HS6ST3: variants seen among roughly 807,000 people sequenced by gnomAD.
HS6ST3 encodes the protein heparan sulfate 6-O-sulfotransferase 3.
In HS6ST3, 12 loss-of-function variants were observed where a neutral mutation model predicts 36.7. The observed-to-expected ratio is 0.33, with a 90% CI of 0.21 to 0.53. HS6ST3 has a LOEUF of 0.53. Ranked by LOEUF, HS6ST3 falls within the 20% of genes least tolerant of loss-of-function variation. HS6ST3 has a pLI of 0.95. For synonymous variants in HS6ST3, 240 were observed against 257.5 expected (o/e 0.93, Z 0.65); for missense variants, 584 against 640.9 (o/e 0.91, Z 0.96).
chr13:96,091,605 C>T (rs755958688), intron 1 of HS6ST3, 36 bp downstream of exon 1: 2 of 1,518,856 alleles, frequency 1.3e-6, no homozygotes, highest in Admixed American at 2.0e-5. Context: ...TCTTCCCCCC[C>T]ACCCCCCATC....
intron 1 of HS6ST3, among the ~76,000 whole-genome samples, chr13:96,637,839 G>C (rs528448926): frequency 3.9e-5 from 6 of 152,112 alleles, no homozygotes; most frequent in African/African-American, 1.4e-4. Context: ...TTTTGTCTTT[G>C]TTTTGCTTCT....
chr13:96,182,281 C>G (rs1292363235), intron 1 of HS6ST3, among the ~76,000 whole-genome samples: 3 of 152,202 alleles, frequency 2.0e-5, no homozygotes, highest in Admixed American at 6.5e-5. Flanking sequence ...CCCTGCAATT[C>G]ATTTTGACTT....
At chr13:96,692,611 T>TA (rs1874997762) in intron 1 of HS6ST3, among the ~76,000 whole-genome samples, 1 of 152,286 alleles carries the variant, frequency 6.6e-6, no homozygotes, top group African/African-American at 2.4e-5. Context: ...TAAACTACAC[T>TA]AAGATTCCAT....
intron 1 of HS6ST3, among the ~76,000 whole-genome samples, chr13:96,626,808 ATTGT>A (rs1213629075): frequency 6.6e-6 from 1 of 152,066 alleles, no homozygotes; most frequent in Admixed American, 6.6e-5. Flanking sequence ...AGTACTAAAC[ATTGT>A]TTGATGCTAT....
intron 1 of HS6ST3, among the ~76,000 whole-genome samples, chr13:96,404,784 C>T (rs1330467645): frequency 1.3e-5 from 2 of 152,108 alleles, no homozygotes; most frequent in East Asian, 1.9e-4. Flanking sequence ...TCCAAAGAAA[C>T]GCAAGGGCAG....
intron 1 of HS6ST3, among the ~76,000 whole-genome samples, chr13:96,289,173 C>T: frequency 6.6e-6 from 1 of 152,048 alleles, no homozygotes; most frequent in Non-Finnish European, 1.5e-5. Context: ...AATAAGAGAA[C>T]TAATACTCTA....
chr13:96,376,800 C>T (rs983341404), intron 1 of HS6ST3, among the ~76,000 whole-genome samples: 15 of 151,846 alleles, frequency 9.9e-5, no homozygotes, highest in Non-Finnish European at 1.8e-4. Flanking sequence ...CTCTGCTCTC[C>T]CTTTCCCTAG....
Position 96,561,696 on chromosome 13 carries a change from C to T in HS6ST3, c.708-270794C>T, listed in dbSNP as rs560895469. Among the ~76,000 whole-genome samples the T allele has an allele frequency of 3.9e-5, 6 of 152,088 alleles. No individual in the cohort carries two copies. The East Asian group carries it at 1.2e-3, about 29-fold the overall frequency. ...ATTTAAACAAGCAAAAAACAAATTA[C>T]CTCATTAAAAAATAAGCAAAGGACA... On this transcript the variant is annotated intron_variant, in intron 1 of 1. Transcript: ENST00000376705.
At chr13:96,370,380 T>C (rs2055283702) in intron 1 of HS6ST3, among the ~76,000 whole-genome samples, 1 of 152,232 alleles carries the variant, frequency 6.6e-6, no homozygotes, top group Non-Finnish European at 1.5e-5. Context: ...CTTATTTTTC[T>C]TTAAAAAATT....
At chr13:96,186,980 C>T (rs1266333928) in intron 1 of HS6ST3, among the ~76,000 whole-genome samples, 1 of 152,198 alleles carries the variant, frequency 6.6e-6, no homozygotes, top group South Asian at 2.1e-4. Flanking sequence ...AAAACTGTTT[C>T]TTGGTTTATG....
intron 1 of HS6ST3, among the ~76,000 whole-genome samples, chr13:96,406,435 A>C (rs1378340231): frequency 6.6e-6 from 1 of 152,186 alleles, no homozygotes; most frequent in African/African-American, 2.4e-5. Flanking sequence ...TGAAAATACC[A>C]GTGCTATTCA....
intron 1 of HS6ST3, among the ~76,000 whole-genome samples, chr13:96,462,259 TG>T (rs1367765569): frequency 6.6e-6 from 1 of 152,000 alleles, no homozygotes. Flanking sequence ...TTGGTAGAGA[TG>T]GGGTCTTGTT....
intron 1 of HS6ST3, among the ~76,000 whole-genome samples, chr13:96,715,022 A>T (rs368204868): frequency 1.3e-5 from 2 of 152,104 alleles, no homozygotes; most frequent in African/African-American, 2.4e-5. Flanking sequence ...GATATTTATG[A>T]TTATTTATAA....
chr13:96,445,086 C>G (rs1412153021), intron 1 of HS6ST3, among the ~76,000 whole-genome samples: 1 of 152,026 alleles, frequency 6.6e-6, no homozygotes, highest in African/African-American at 2.4e-5. Context: ...AATGAATTAC[C>G]CTGCATTAGA....
At chr13:96,149,008 T>C (rs1225215233) in intron 1 of HS6ST3, among the ~76,000 whole-genome samples, 1 of 152,164 alleles carries the variant, frequency 6.6e-6, no homozygotes, top group African/African-American at 2.4e-5. Flanking sequence ...AAAACAAAAT[T>C]CAGTTGTCTT....
intron 1 of HS6ST3, among the ~76,000 whole-genome samples, chr13:96,638,239 G>A (rs2056556795): frequency 6.6e-6 from 1 of 152,070 alleles, no homozygotes; most frequent in South Asian, 2.1e-4. Flanking sequence ...TGAAGTAAGA[G>A]AATAGGATGC....
intron 1 of HS6ST3, among the ~76,000 whole-genome samples, chr13:96,265,048 C>G (rs890585265): frequency 1.3e-5 from 2 of 152,146 alleles, no homozygotes; most frequent in Non-Finnish European, 2.9e-5. Context: ...CAACTTACTT[C>G]CACTCCATTC....
intron 1 of HS6ST3, among the ~76,000 whole-genome samples, chr13:96,692,825 A>G (rs1378363376): frequency 1.3e-5 from 2 of 152,166 alleles, no homozygotes; most frequent in African/African-American, 4.8e-5. Flanking sequence ...AATTATTCAA[A>G]TCCAATTGCT....
At chr13:96,169,121 A>G (rs561196775) in intron 1 of HS6ST3, among the ~76,000 whole-genome samples, 34 of 152,230 alleles carry the variant, frequency 2.2e-4, no homozygotes, top group African/African-American at 7.5e-4. Context: ...AAGGGCTGCA[A>G]CCTTATCCTA....
Sources: allele counts gnomAD v4.1 joint callset (sites outside exome capture counted in the v4.1 genomes callset), GRCh38; gene constraint gnomAD v4.1.1; transcripts MANE v1.5; gene names NCBI Gene and HGNC (gene_info 2026-07-23, HGNC 2026-07-21).